ROBO2: variants seen among roughly 807,000 people sequenced by gnomAD.
The protein encoded by ROBO2 is roundabout homolog 2.
A neutral mutation model predicts 160.8 loss-of-function variants in ROBO2; 53 were observed. That is an observed-to-expected ratio of 0.33 (90% CI 0.26 to 0.41). ROBO2 has a LOEUF of 0.41. ROBO2 is among the 10% of genes least tolerant of loss of function. The pLI is 1.00. For missense variants in ROBO2, 1,577 were observed against 1,722.4 expected, an observed-to-expected ratio of 0.92 and a Z score of 1.49; for synonymous variants, 664 against 611.7, an observed-to-expected ratio of 1.09 and a Z score of -1.26.
chr3:76,060,884 C>T (rs1032716990), intron 2 of ROBO2, among the ~76,000 whole-genome samples: 4 of 152,076 alleles, frequency 2.6e-5, no homozygotes, highest in Non-Finnish European at 5.9e-5. Context: ...CATGATCATC[C>T]CTGTTCCCAC....
At chr3:76,455,881 C>G (rs1212053124) in intron 2 of ROBO2, among the ~76,000 whole-genome samples, 1 of 151,962 alleles carries the variant, frequency 6.6e-6, no homozygotes, top group Non-Finnish European at 1.5e-5. Context: ...TACACTATAC[C>G]AATTCTATTT....
rs2093822992 is a variant in ROBO2 at position 76,742,773 on chromosome 3, AACACACACACCC to A, written c.110-355226_110-355215del. 3.3e-5 allele frequency among the ~76,000 whole-genome samples: 5 copies of A among 151,864 alleles called. No homozygotes were observed. In the South Asian group the frequency reaches 8.3e-4, roughly 25 times the overall value. Reference sequence around the variant, plus strand: ...TGGTTCACAAAAAAATATGATTAGGAACACACACACCCACACACACACCCACCCACCCAACCC... The same window carrying A: ...TGGTTCACAAAAAAATATGATTAGGAACACACACACCCACCCACCCAACCC... On this transcript the variant is annotated intron_variant, in intron 2 of 26. Coordinates refer to the ROBO2 transcript ENST00000487694.
intron 2 of ROBO2, among the ~76,000 whole-genome samples, chr3:76,533,318 C>T (rs1463618466): frequency 1.3e-5 from 2 of 152,116 alleles, no homozygotes; most frequent in Non-Finnish European, 2.9e-5. Context: ...AGACAACTTC[C>T]CTGCTCAGCA....
chr3:77,618,900 G>T (rs1447791659), intron 22 of ROBO2, among the ~76,000 whole-genome samples: 1 of 152,122 alleles, frequency 6.6e-6, no homozygotes, highest in Non-Finnish European at 1.5e-5. Context: ...TATGTAAGTT[G>T]AAGCCAGCTG....
intron 2 of ROBO2, among the ~76,000 whole-genome samples, chr3:76,555,425 G>GAA (rs1399867100): frequency 0.06 from 4,056 of 67,954 alleles, 362 homozygotes; most frequent in East Asian, 0.086. Context: ...AAGAAAGAAG[G>GAA]AGAAGGGGAA....
At chr3:76,399,667 TA>T (rs765284039) in intron 2 of ROBO2, among the ~76,000 whole-genome samples, 5 of 151,732 alleles carry the variant, frequency 3.3e-5, no homozygotes, top group Admixed American at 1.3e-4. Flanking sequence ...CTTATGGTAA[TA>T]ACATTAAGCA....
chr3:77,215,453 G>A (rs945762238), intron 2 of ROBO2, among the ~76,000 whole-genome samples: 4 of 152,044 alleles, frequency 2.6e-5, no homozygotes, highest in Non-Finnish European at 5.9e-5. Flanking sequence ...GGACTTCTCT[G>A]CACTGGTTAT....
intron 2 of ROBO2, among the ~76,000 whole-genome samples, chr3:76,868,452 T>A (rs1021400672): frequency 6.6e-6 from 1 of 152,222 alleles, no homozygotes; most frequent in Admixed American, 6.5e-5. Context: ...CTTGTTACGT[T>A]CATTAATACA....
chr3:77,483,494 C>T (rs1348635353), intron 4 of ROBO2, among the ~76,000 whole-genome samples: 1 of 151,554 alleles, frequency 6.6e-6, no homozygotes, highest in Non-Finnish European at 1.5e-5. Flanking sequence ...CATTTTTGAC[C>T]AAATATTTAT....
chr3:75,944,687 A>T (rs1287574431), intron 2 of ROBO2, among the ~76,000 whole-genome samples: 2 of 152,192 alleles, frequency 1.3e-5, no homozygotes, highest in South Asian at 2.1e-4. Flanking sequence ...AGGTTGTTAT[A>T]TCACACCTTA....
At chr3:77,454,770 C>T (rs926524067) in intron 2 of ROBO2, among the ~76,000 whole-genome samples, 2 of 152,068 alleles carry the variant, frequency 1.3e-5, no homozygotes, top group Admixed American at 6.6e-5. Context: ...TGTGTCTTCT[C>T]TTTTTCAATT....
chr3:77,408,055 T>A (rs1002157064), intron 2 of ROBO2, among the ~76,000 whole-genome samples: 5 of 151,620 alleles, frequency 3.3e-5, no homozygotes, highest in Non-Finnish European at 5.9e-5. Context: ...TGCATTTGGA[T>A]GTGTATCAGG....
rs1317416589 is a variant in ROBO2, at chr3:77,518,270, A to G, written c.807-4505A>G. Among the ~76,000 whole-genome samples, 7 of 151,528 alleles carry G rather than the reference A, an allele frequency of 4.6e-5. No individual in the cohort carries two copies. In the South Asian group the frequency reaches 8.3e-4, roughly 18 times the overall value. ...GATTCAAGTGTTGATGGACAGTTGC[A>G]GAAGGTGAACTTTTAAAGATTTCAT... On this transcript the variant is annotated intron_variant, in intron 5 of 25. Coordinates refer to ENST00000461745, the Ensembl canonical transcript of ROBO2.
Position 76,799,532 on chromosome 3 carries a change from G to C in ROBO2, c.110-298482G>C, listed in dbSNP as rs140856613. The stretch of plus-strand genomic sequence containing the variant: ...AAAAAAAAACCCAGTAAAGTGGCAG[G>C]ATACAAAATTAACATACAAAAATCA... On this transcript the variant is annotated intron_variant, in intron 2 of 26. Transcript: ENST00000487694. Among the ~76,000 whole-genome samples the C allele has an allele frequency of 6.0e-3, 894 of 149,944 alleles. 13 individuals are homozygous for C. Among genetic ancestry groups the C allele is most frequent in the African/African-American group, 0.02 (838 of 41,204 alleles).
intron 2 of ROBO2, among the ~76,000 whole-genome samples, chr3:77,453,581 CT>C (rs1199133063): frequency 1.3e-5 from 2 of 151,882 alleles, no homozygotes; most frequent in Non-Finnish European, 1.5e-5. Flanking sequence ...AGACTTTTTC[CT>C]TTGTCAAGCA....
At chr3:77,348,246 G>T (rs2067895652) in intron 2 of ROBO2, among the ~76,000 whole-genome samples, 1 of 152,102 alleles carries the variant, frequency 6.6e-6, no homozygotes, top group Non-Finnish European at 1.5e-5. Context: ...CAGCCCCAAG[G>T]TCAGCTGGTT....
chr3:76,810,180 A>G (rs747690986), intron 2 of ROBO2, among the ~76,000 whole-genome samples: 1 of 152,104 alleles, frequency 6.6e-6, no homozygotes, highest in Non-Finnish European at 1.5e-5. Flanking sequence ...TTAATCATCA[A>G]ATCACACCAT....
chr3:77,302,940 G>A (rs1263015569), intron 2 of ROBO2, among the ~76,000 whole-genome samples: 2 of 152,076 alleles, frequency 1.3e-5, no homozygotes, highest in Non-Finnish European at 2.9e-5. Flanking sequence ...TACAAATTGA[G>A]TAAGGGAATA....
At chr3:76,379,448 C>T (rs1285517353) in intron 2 of ROBO2, among the ~76,000 whole-genome samples, 1 of 152,004 alleles carries the variant, frequency 6.6e-6, no homozygotes, top group East Asian at 1.9e-4. Context: ...TTAAATGAAT[C>T]TTGAATGTCC....
Sources: allele counts gnomAD v4.1 joint callset (sites outside exome capture counted in the v4.1 genomes callset), GRCh38; gene constraint gnomAD v4.1.1; transcripts MANE v1.5; gene names NCBI Gene and HGNC (gene_info 2026-07-23, HGNC 2026-07-21).